The following ANKS1A variants were observed in gnomAD, a reference collection of about 807,000 sequenced individuals.
ANKS1A encodes the protein ankyrin repeat and sterile alpha motif domain containing 1A.
In ANKS1A, 55 loss-of-function variants were observed where a neutral mutation model predicts 120.3. The observed-to-expected ratio is 0.46, with a 90% CI of 0.37 to 0.57. The LOEUF (loss-of-function observed/expected upper bound fraction) is 0.57, where lower values mean the gene tolerates loss of function less well. Among genes scored for constraint, ANKS1A ranks in the 20% least tolerant of loss-of-function variants. The pLI is 0.00. For synonymous variants in ANKS1A, 590 were observed against 604.7 expected, an observed-to-expected ratio of 0.98 and a Z score of 0.36; for missense variants, 1,123 against 1,480.3, an observed-to-expected ratio of 0.76 and a Z score of 3.96.
At chr6:35,040,299 T>C (rs1249947962) in intron 11 of ANKS1A, among the ~76,000 whole-genome samples, 1 of 152,228 alleles carries the variant, frequency 6.6e-6, no homozygotes, top group Non-Finnish European at 1.5e-5. Flanking sequence ...ACCTGCAAAA[T>C]TGAGAGATTC....
At chr6:35,087,138 A>C in intron 23 of ANKS1A, 89 bp downstream of exon 23, 1 of 1,325,870 alleles carries the variant, frequency 7.5e-7, no homozygotes. Context: ...TGCTGTCCTC[A>C]ACTCTCTCCT....
Position 34,889,471 on chromosome 6 carries a change from G to C in ANKS1A, c.69G>C (p.Leu23=), listed in dbSNP as rs534322132. The stretch of plus-strand genomic sequence containing the variant: ...ACCTCCCGGCGGTGGAGAAGCTGCT[G>C]TCCGGGAAGCGGCTCTCCTCAGGCT... ...TGHLPAVEKL[L]SGKRLSSGFG... is the part of the protein sequence containing the mutation. Residue 23 remains leucine (L), a synonymous_variant, in exon 1 of 24, where the codon CTG becomes CTC. Transcript: ENST00000360359. This position sits in a 1 kb window ranked among gnomAD's most constrained non-coding sequence, Gnocchi z 5.5. 1.6e-5 allele frequency: 20 copies of C among 1,288,378 alleles called. No individual in the cohort carries two copies. The highest frequency in any genetic ancestry group is 2.8e-4 in the Middle Eastern group (1 of 3,518). 79.8% of individuals were successfully genotyped at this position (1,288,378 alleles called of 1,614,324 possible).
rs1316313763 is a variant in ANKS1A, at chr6:35,057,297, T to G, written c.2078-2850T>G. The stretch of plus-strand genomic sequence containing the variant: ...CCATTCTCAGGAGTCCAGGAGGGTA[T>G]GCCTTCCCACTGGCCCAGGCCACTC... On this transcript the variant is annotated intron_variant, in intron 12 of 23. Coordinates refer to ENST00000360359, the MANE Select transcript of ANKS1A (RefSeq NM_015245.3). This position sits in a 1 kb window ranked among gnomAD's most constrained non-coding sequence, Gnocchi z 4.1. Among the ~76,000 whole-genome samples, 2 of 152,134 alleles carry G rather than the reference T, an allele frequency of 1.3e-5. No individual in the cohort carries two copies. The highest frequency in any genetic ancestry group is 4.8e-5 in the African/African-American group (2 of 41,450).
At chr6:34,947,913 T>G (rs1296345018) in intron 1 of ANKS1A, among the ~76,000 whole-genome samples, 1 of 152,340 alleles carries the variant, frequency 6.6e-6, no homozygotes, top group South Asian at 2.1e-4. Flanking sequence ...TTTGGGAGGT[T>G]GATTAAATAC....
intron 10 of ANKS1A, among the ~76,000 whole-genome samples, chr6:35,017,254 A>G (rs886350768): frequency 2.0e-5 from 3 of 152,154 alleles, no homozygotes; most frequent in African/African-American, 7.2e-5. Flanking sequence ...AATTTCATAA[A>G]TGCTCTGACT....
Position 35,085,964 on chromosome 6 carries a change from C to A in ANKS1A, c.3303+28C>A. The A allele has an allele frequency of 6.4e-7, 1 of 1,569,776 alleles. No individual in the cohort carries two copies. Among genetic ancestry groups the A allele is most frequent in the South Asian group, 1.2e-5 (1 of 85,008 alleles). ...ACGTGGGCCCCACTGGCCAAGATCC[C>A]CCTCTCCCTGGCCCCAGGGATTCAA... On this transcript the variant is annotated intron_variant, in intron 22 of 23. Transcript: ENST00000360359. This position sits in a 1 kb window ranked among gnomAD's most constrained non-coding sequence, Gnocchi z 4.7.
At chr6:35,004,394 G>T (rs1277583971) in intron 10 of ANKS1A, among the ~76,000 whole-genome samples, 2 of 151,368 alleles carry the variant, frequency 1.3e-5, no homozygotes, top group African/African-American at 2.4e-5. Context: ...AGGCCAAGGC[G>T]GGTGAATCAC....
intron 1 of ANKS1A, among the ~76,000 whole-genome samples, chr6:34,918,031 C>T (rs1581691094): frequency 1.3e-5 from 2 of 152,158 alleles, no homozygotes; most frequent in African/African-American, 2.4e-5. Context: ...CCTTGTTCTG[C>T]CCTCTCTGCC....
intron 1 of ANKS1A, among the ~76,000 whole-genome samples, chr6:34,929,815 CTCTTTCTCTT>C (rs1424946215): frequency 7.8e-6 from 1 of 128,122 alleles, no homozygotes; most frequent in East Asian, 2.4e-4. Context: ...TTCTCTCTCT[CTCTTTCTCTT>C]TCTTTCTTTC....
intron 13 of ANKS1A, among the ~76,000 whole-genome samples, chr6:35,072,572 G>A (rs1039414698): frequency 1.3e-5 from 2 of 152,212 alleles, no homozygotes; most frequent in East Asian, 1.9e-4. Context: ...CACAGTGCCC[G>A]TGCTATGTAT....
intron 8 of ANKS1A, 111 bp downstream of exon 8, chr6:34,985,389 G>A (rs1047986279): frequency 2.9e-5 from 32 of 1,088,296 alleles, no homozygotes; most frequent in Admixed American, 1.6e-4. Context: ...TCATGTTTCC[G>A]GGGCCTGGAG....
Position 34,889,786 on chromosome 6 carries a change from G to A in ANKS1A, c.197+187G>A, listed in dbSNP as rs1049915996. On this transcript the variant is annotated intron_variant, in intron 1 of 23. Coordinates refer to ENST00000360359, the MANE Select transcript of ANKS1A (RefSeq NM_015245.3). This position sits in a 1 kb window ranked among gnomAD's most constrained non-coding sequence, Gnocchi z 5.5. Reference sequence around the variant, plus strand: ...CGCAGGTCCGAGTCCACGCTGCTCCGGGCTCGCCTGGTCTCCCGTTCTGAC... The same window carrying A: ...CGCAGGTCCGAGTCCACGCTGCTCCAGGCTCGCCTGGTCTCCCGTTCTGAC... Among the ~76,000 whole-genome samples, 1 of 151,996 alleles carries A rather than the reference G, an allele frequency of 6.6e-6. No homozygotes were observed. Among genetic ancestry groups the A allele is most frequent in the African/African-American group, 2.4e-5 (1 of 41,384 alleles).
At chr6:34,970,427 G>A (rs1055186771) in intron 3 of ANKS1A, among the ~76,000 whole-genome samples, 13 of 152,094 alleles carry the variant, frequency 8.5e-5, no homozygotes, top group Admixed American at 8.5e-4. Flanking sequence ...ATTTGGAATA[G>A]TACTAGAATA....
chr6:34,970,832 C>T lies in ANKS1A; in HGVS notation c.435+666C>T, dbSNP rs1771146849. Among the ~76,000 whole-genome samples the T allele has an allele frequency of 2.0e-5, 3 of 151,652 alleles. No homozygotes were observed. In the South Asian group the frequency reaches 6.2e-4, roughly 32 times the overall value. ...AGTGAGGAGCCCCAACCCCCCAGGCCCCATCTCTATAAAAAATTAAAAAAA... is the reference window on the plus strand; with the variant it reads ...AGTGAGGAGCCCCAACCCCCCAGGCTCCATCTCTATAAAAAATTAAAAAAA... On this transcript the variant is annotated intron_variant, in intron 3 of 23. Transcript: ENST00000360359.
rs1386562389 is a variant in ANKS1A at position 35,057,892 on chromosome 6, C to G, written c.2078-2255C>G. Among the ~76,000 whole-genome samples the G allele has an allele frequency of 6.6e-6, 1 of 152,242 alleles. No individual in the cohort carries two copies. Among genetic ancestry groups the G allele is most frequent in the Non-Finnish European group, 1.5e-5 (1 of 68,042 alleles). On this transcript the variant is annotated intron_variant, in intron 12 of 23. Transcript: ENST00000360359. This position sits in a 1 kb window ranked among gnomAD's most constrained non-coding sequence, Gnocchi z 4.1. Reference sequence around the variant, plus strand: ...ATTCCTGTGTCCTCTCCTGGCTGTCCTGGAAACTGTCGAACAAAGCTCTAG... The same window carrying G: ...ATTCCTGTGTCCTCTCCTGGCTGTCGTGGAAACTGTCGAACAAAGCTCTAG...
chr6:34,980,529 A>G (rs1771852731), intron 3 of ANKS1A, among the ~76,000 whole-genome samples: 1 of 152,212 alleles, frequency 6.6e-6, no homozygotes, highest in Non-Finnish European at 1.5e-5. Context: ...AGTGTTATTA[A>G]TAGAATTAAA....
intron 1 of ANKS1A, among the ~76,000 whole-genome samples, chr6:34,918,491 G>C (rs897081612): frequency 6.6e-6 from 1 of 152,162 alleles, no homozygotes; most frequent in Admixed American, 6.5e-5. Flanking sequence ...ACTATTCTGC[G>C]AGTGAAGCTA....
chr6:34,995,152 T>C (rs1772781840), intron 10 of ANKS1A, among the ~76,000 whole-genome samples: 1 of 152,198 alleles, frequency 6.6e-6, no homozygotes, highest in Non-Finnish European at 1.5e-5. Context: ...TCATGGGGTA[T>C]GCGTACCTTC....
In ANKS1A at chr6:35,090,530, T is replaced by C. The variant is rs1778244821; in HGVS notation, c.*1921T>C. The C allele has an allele frequency of 5.8e-6, 6 of 1,039,782 alleles. No individual in the cohort carries two copies. The highest frequency in any genetic ancestry group is 7.0e-6 in the Non-Finnish European group (6 of 862,622). The allele number at this position is 1,039,782 out of a possible 1,614,324, so 64.4% of individuals were successfully genotyped here. A position where few individuals can be genotyped will look rare whatever the true frequency, so the allele number is the denominator to read the frequency against. ...CTATATCATCTTTATTTATTCAGGG[T>C]ATTTTCATATTGGAAGCCTTGGCTA... On this transcript the variant is annotated 3_prime_UTR_variant, in exon 24 of 24. Coordinates refer to ENST00000360359, the MANE Select transcript of ANKS1A (RefSeq NM_015245.3).
Sources: gnomAD v4.1 joint callset for allele counts (sites outside exome capture counted in the v4.1 genomes callset) on GRCh38, gnomAD v4.1.1 for gene constraint, Gnocchi (gnomAD v3.1) non-coding constraint, MANE v1.5 for transcripts, NCBI Gene and HGNC (gene_info 2026-07-23, HGNC 2026-07-21) for gene names.